Variants in MLPH observed in about 807,000 individuals in gnomAD.
MLPH encodes exophilin-3.
Under a neutral mutation model 72.1 loss-of-function variants are expected in MLPH, and 51 were observed. The ratio of observed to expected loss-of-function variants is 0.71; its 90% CI spans 0.56 to 0.89. MLPH has a LOEUF of 0.89. Among genes scored for constraint, MLPH ranks in the 40% least tolerant of loss-of-function variants. The pLI, the probability that MLPH is intolerant of heterozygous loss-of-function variation, is 0.00. For synonymous variants in MLPH, 301 were observed against 310.1 expected (o/e 0.97, Z 0.31); for missense variants, 743 against 759.9 (o/e 0.98, Z 0.26).
chr2:237,490,326 C>T (rs755966654), intron 1 of MLPH, among the ~76,000 whole-genome samples: 13 of 149,866 alleles, frequency 8.7e-5, no homozygotes, highest in Non-Finnish European at 1.8e-4. Context: ...AGGACCTCAT[C>T]TAAAAAAAAA....
intron 4 of MLPH, 134 bp downstream of exon 4, chr2:237,511,235 C>A: frequency 1.6e-5 from 11 of 682,204 alleles, no homozygotes; most frequent in Non-Finnish European, 2.4e-5. Context: ...TGTGCATGCA[C>A]ATGCCTCTCT....
In MLPH at chr2:237,553,199, G is replaced by A. The variant is rs185078981; in HGVS notation, c.1777-367G>A. 76 of 486,374 alleles carry A rather than the reference G, an allele frequency of 1.6e-4. 1 individual carries two copies. The East Asian group carries it at 4.5e-3, about 29-fold the overall frequency. The allele number at this position is 486,374 out of a possible 1,614,324, so 30.1% of individuals were successfully genotyped here. A position where few individuals can be genotyped will look rare whatever the true frequency, so the allele number is the denominator to read the frequency against. ...CACATGAAGACTTGGCCGATGACCA[G>A]TCTGGTTGGTTGCGGGAGGGGACCA... is the stretch of plus-strand genomic sequence containing the variant. On this transcript the variant is annotated intron_variant, in intron 15 of 15. Coordinates refer to ENST00000264605, the MANE Select transcript of MLPH (RefSeq NM_024101.7).
At chr2:237,521,735 T>C (rs529946711) in intron 6 of MLPH, among the ~76,000 whole-genome samples, 24 of 152,104 alleles carry the variant, frequency 1.6e-4, no homozygotes, top group Admixed American at 9.2e-4. Flanking sequence ...GCTACAACTA[T>C]AGTGCTGGAG....
intron 6 of MLPH, among the ~76,000 whole-genome samples, chr2:237,520,714 TA>T (rs201006223): frequency 2.0e-5 from 3 of 152,030 alleles, no homozygotes; most frequent in African/African-American, 7.3e-5. Flanking sequence ...AGGGATGGGA[TA>T]AAAAAAGAGA....
chr2:237,520,735 G>A (rs1365777325), intron 6 of MLPH, among the ~76,000 whole-genome samples: 1 of 152,216 alleles, frequency 6.6e-6, no homozygotes, highest in African/African-American at 2.4e-5. Flanking sequence ...AGAAAGTAGA[G>A]TTTAATCAGG....
chr2:237,515,030 A>G (rs1297770037), intron 4 of MLPH, among the ~76,000 whole-genome samples: 1 of 152,190 alleles, frequency 6.6e-6, no homozygotes, highest in Non-Finnish European at 1.5e-5. Context: ...AGTTTTGCCA[A>G]CTGGTTGACT....
intron 12 of MLPH, among the ~76,000 whole-genome samples, chr2:237,544,442 G>T (rs2080835523): frequency 1.9e-5 from 1 of 51,548 alleles, no homozygotes; most frequent in Non-Finnish European, 3.3e-5. Context: ...AATGGGCACG[G>T]TAGTGAGTGG....
chr2:237,518,500 G>T, intron 4 of MLPH, 39 bp from the exon 5 acceptor site: 1 of 1,546,588 alleles, frequency 6.5e-7, no homozygotes, highest in Non-Finnish European at 8.9e-7. Flanking sequence ...TTCCCAGACT[G>T]TTTGTCCTTG....
At chr2:237,522,900 T>C (rs949898600) in intron 6 of MLPH, among the ~76,000 whole-genome samples, 2 of 152,222 alleles carry the variant, frequency 1.3e-5, no homozygotes, top group African/African-American at 4.8e-5. Flanking sequence ...GCTTGAGGGC[T>C]GCTGTATTAG....
chr2:237,524,981 G>A (rs1031490583), intron 6 of MLPH, among the ~76,000 whole-genome samples: 3 of 152,196 alleles, frequency 2.0e-5, no homozygotes, highest in African/African-American at 7.2e-5. Context: ...TCTAACTGGA[G>A]GCTGTCCTAA....
chr2:237,508,661 T>G (rs1334311299), intron 2 of MLPH, among the ~76,000 whole-genome samples: 1 of 152,206 alleles, frequency 6.6e-6, no homozygotes, highest in Non-Finnish European at 1.5e-5. Flanking sequence ...TGAAGACCAC[T>G]CTTCGAAATC....
intron 9 of MLPH, among the ~76,000 whole-genome samples, chr2:237,536,350 A>T (rs1313153748): frequency 6.6e-6 from 1 of 152,190 alleles, no homozygotes; most frequent in African/African-American, 2.4e-5. Flanking sequence ...TTTATGGGTT[A>T]CTAGAGCCAG....
intron 2 of MLPH, among the ~76,000 whole-genome samples, chr2:237,494,103 G>A (rs987707560): frequency 2.6e-5 from 4 of 152,124 alleles, no homozygotes; most frequent in Non-Finnish European, 5.9e-5. Flanking sequence ...GATGTCTTTA[G>A]TAGATTGGGT....
At chr2:237,525,018 C>G (rs1454549366) in intron 6 of MLPH, among the ~76,000 whole-genome samples, 7 of 152,320 alleles carry the variant, frequency 4.6e-5, no homozygotes, top group Non-Finnish European at 7.3e-5. Context: ...GCCTCCACCC[C>G]CCACTCACAG....
chr2:237,516,914 AGGAT>A (rs1157566183), intron 4 of MLPH, among the ~76,000 whole-genome samples: 41 of 119,310 alleles, frequency 3.4e-4, no homozygotes, highest in Admixed American at 8.7e-4. Flanking sequence ...GATGGATGGT[AGGAT>A]GGATGGATGG....
intron 9 of MLPH, among the ~76,000 whole-genome samples, chr2:237,540,118 G>A (rs890237562): frequency 1.3e-5 from 2 of 152,256 alleles, no homozygotes. Context: ...ATAGCCAGGG[G>A]TGGTGGTCAG....
chr2:237,501,225 A>C (rs1206871207), intron 2 of MLPH, among the ~76,000 whole-genome samples: 1 of 152,072 alleles, frequency 6.6e-6, no homozygotes, highest in Non-Finnish European at 1.5e-5. Flanking sequence ...CACAGTACTG[A>C]CCATGGAACG....
chr2:237,517,677 GTAGATGGGTGGA>G (rs1559351572), intron 4 of MLPH, among the ~76,000 whole-genome samples: 4 of 133,542 alleles, frequency 3.0e-5, no homozygotes, highest in African/African-American at 1.2e-4. Flanking sequence ...GAATGAGTGG[GTAGATGGGTGGA>G]TGGATGGATG....
chr2:237,513,271 C>G (rs557678261), intron 4 of MLPH, among the ~76,000 whole-genome samples: 13 of 152,204 alleles, frequency 8.5e-5, no homozygotes, highest in African/African-American at 2.7e-4. Flanking sequence ...CCATAGAGGA[C>G]GCGGCAGGCT....
Sources: allele counts gnomAD v4.1 joint callset (sites outside exome capture counted in the v4.1 genomes callset), GRCh38; gene constraint gnomAD v4.1.1; transcripts MANE v1.5; gene names NCBI Gene and HGNC (gene_info 2026-07-23, HGNC 2026-07-21).